NAALADL2: variants seen among roughly 807,000 people sequenced by gnomAD.
NAALADL2 encodes the protein inactive N-acetylated-alpha-linked acidic dipeptidase-like protein 2.
Under a neutral mutation model 87.2 loss-of-function variants are expected in NAALADL2, and 76 were observed. The ratio of observed to expected loss-of-function variants is 0.87; its 90% CI spans 0.72 to 1.05. The LOEUF (loss-of-function observed/expected upper bound fraction) is 1.05, where lower values mean the gene tolerates loss of function less well. Among genes scored for constraint, NAALADL2 ranks in the 50% least tolerant of loss-of-function variants. The pLI, the probability that NAALADL2 is intolerant of heterozygous loss-of-function variation, is 0.00. For missense variants in NAALADL2, 1,089 were observed against 945.8 expected, an observed-to-expected ratio of 1.15 and a Z score of -1.99; for synonymous variants, 354 against 331.0, an observed-to-expected ratio of 1.07 and a Z score of -0.75.
chr3:175,146,430 T>G (rs1730761461), intron 2 of NAALADL2, among the ~76,000 whole-genome samples: 1 of 152,108 alleles, frequency 6.6e-6, no homozygotes. Context: ...GCCTGAGTTT[T>G]CCCCTGTCTG....
intron 2 of NAALADL2, among the ~76,000 whole-genome samples, chr3:174,712,556 T>A (rs1212025169): frequency 6.6e-6 from 1 of 151,622 alleles, no homozygotes; most frequent in Non-Finnish European, 1.5e-5. Context: ...CCCAGCTAAT[T>A]TTTATACATT....
chr3:175,428,417 T>C (rs1185372654), intron 5 of NAALADL2, among the ~76,000 whole-genome samples: 1 of 152,122 alleles, frequency 6.6e-6, no homozygotes, highest in African/African-American at 2.4e-5. Context: ...AATCACCTAC[T>C]CCTGTTTGTT....
chr3:175,588,675 A>G (rs1720929079), intron 10 of NAALADL2, among the ~76,000 whole-genome samples: 1 of 151,020 alleles, frequency 6.6e-6, no homozygotes, highest in African/African-American at 2.4e-5. Flanking sequence ...AGTAGCTGGG[A>G]CTACAGGTGC....
chr3:174,735,048 G>A (rs192280166), intron 2 of NAALADL2, among the ~76,000 whole-genome samples: 70 of 152,164 alleles, frequency 4.6e-4, no homozygotes, highest in African/African-American at 1.5e-3. Context: ...AAGTAATTTC[G>A]AAAGGAGAAT....
At position 175,532,264 on chromosome 3, in the gene NAALADL2, A is replaced by G. The variant is rs114923568; in HGVS notation, c.1654-43777A>G. Among the ~76,000 whole-genome samples the G allele has an allele frequency of 3.2e-3, 493 of 152,318 alleles. 4 individuals carry two copies. Among genetic ancestry groups the G allele is most frequent in the African/African-American group, 0.011 (468 of 41,578 alleles). On this transcript the variant is annotated intron_variant, in intron 9 of 13. Transcript: ENST00000454872. ...TGGAATCAACATCAGCTCAGAGCCA[A>G]TGTCCAGTAGTCCCTAAAATGTCTG... is the stretch of plus-strand genomic sequence containing the variant.
intron 9 of NAALADL2, among the ~76,000 whole-genome samples, chr3:175,540,983 G>T (rs1318004620): frequency 6.6e-6 from 1 of 152,128 alleles, no homozygotes; most frequent in African/African-American, 2.4e-5. Context: ...AGATGATTTA[G>T]TATAAATGCC....
intron 1 of NAALADL2, among the ~76,000 whole-genome samples, chr3:174,975,995 T>A (rs1222736333): frequency 6.6e-6 from 1 of 152,190 alleles, no homozygotes; most frequent in African/African-American, 2.4e-5. Context: ...ACTGAGATAA[T>A]AAGTGTTTGT....
At chr3:174,538,430 T>C (rs1721921689) in intron 1 of NAALADL2, among the ~76,000 whole-genome samples, 1 of 152,150 alleles carries the variant, frequency 6.6e-6, no homozygotes. Context: ...GCAGACTCTT[T>C]GTAGCAATAA....
At chr3:175,387,795 T>C (rs12637050) in intron 5 of NAALADL2, among the ~76,000 whole-genome samples, 29,192 of 152,042 alleles carry the variant, frequency 0.19, 3,175 homozygotes, top group African/African-American at 0.29. Flanking sequence ...TTTCCTAAAA[T>C]CTACAATGTG....
At chr3:175,802,600 C>A (rs1029006905) in intron 13 of NAALADL2, among the ~76,000 whole-genome samples, 1 of 151,942 alleles carries the variant, frequency 6.6e-6, no homozygotes, top group African/African-American at 2.4e-5. Flanking sequence ...GGTCATTTGT[C>A]TTATAAAGTT....
intron 1 of NAALADL2, among the ~76,000 whole-genome samples, chr3:174,508,539 G>T (rs557276784): frequency 6.6e-6 from 1 of 152,224 alleles, no homozygotes; most frequent in African/African-American, 2.4e-5. Flanking sequence ...TTTCGATTTT[G>T]TTGGTCAATA....
At chr3:175,132,790 C>A (rs1728341119) in intron 2 of NAALADL2, among the ~76,000 whole-genome samples, 1 of 151,546 alleles carries the variant, frequency 6.6e-6, no homozygotes, top group Non-Finnish European at 1.5e-5. Context: ...GGGGGCTGAC[C>A]CCCACCTCCC....
At chr3:175,273,721 T>C (rs1753180217) in intron 4 of NAALADL2, among the ~76,000 whole-genome samples, 1 of 147,366 alleles carries the variant, frequency 6.8e-6, no homozygotes, top group Non-Finnish European at 1.5e-5. Flanking sequence ...TGTGTGCATG[T>C]GTGTGTGTGT....
chr3:174,727,756 G>C (rs1042060942), intron 2 of NAALADL2, among the ~76,000 whole-genome samples: 1 of 151,986 alleles, frequency 6.6e-6, no homozygotes, highest in Non-Finnish European at 1.5e-5. Flanking sequence ...CTGCATTTGG[G>C]TTCACACTTT....
intron 5 of NAALADL2, among the ~76,000 whole-genome samples, chr3:175,415,115 A>G (rs1489553362): frequency 1.3e-5 from 2 of 152,200 alleles, no homozygotes; most frequent in African/African-American, 4.8e-5. Context: ...TTATATACAC[A>G]GATAGTTCTA....
chr3:175,545,583 T>C (rs1243684201), intron 9 of NAALADL2, among the ~76,000 whole-genome samples: 1 of 152,132 alleles, frequency 6.6e-6, no homozygotes, highest in Non-Finnish European at 1.5e-5. Flanking sequence ...CTAAAAGCAC[T>C]GTATCTGGCA....
chr3:175,041,671 C>G (rs1452610547), intron 1 of NAALADL2, among the ~76,000 whole-genome samples: 1 of 152,076 alleles, frequency 6.6e-6, no homozygotes, highest in Non-Finnish European at 1.5e-5. Flanking sequence ...CCCGTCATTC[C>G]TTCTATGCTT....
At chr3:174,798,696 T>A (rs573842325) in intron 3 of NAALADL2, among the ~76,000 whole-genome samples, 14 of 152,198 alleles carry the variant, frequency 9.2e-5, no homozygotes, top group South Asian at 6.2e-4. Flanking sequence ...TGAATTTTTT[T>A]AAATTTCATT....
intron 3 of NAALADL2, among the ~76,000 whole-genome samples, chr3:174,771,608 C>T (rs1035156218): frequency 1.3e-5 from 2 of 152,124 alleles, no homozygotes; most frequent in African/African-American, 4.8e-5. Context: ...GGAGCCTGAT[C>T]CTAGGGATTT....
Sources: gnomAD v4.1 joint callset for allele counts (sites outside exome capture counted in the v4.1 genomes callset) on GRCh38, gnomAD v4.1.1 for gene constraint, MANE v1.5 for transcripts, NCBI Gene and HGNC (gene_info 2026-07-23, HGNC 2026-07-21) for gene names.